Variants in FAM234B observed in about 807,000 individuals in gnomAD.
FAM234B encodes family with sequence similarity 234 member B.
A neutral mutation model predicts 69.3 loss-of-function variants in FAM234B; 33 were observed. The ratio of observed to expected loss-of-function variants is 0.48; its 90% CI spans 0.36 to 0.64. The LOEUF is 0.64. Ranked by LOEUF, FAM234B falls within the 30% of genes least tolerant of loss-of-function variation. The pLI is 0.00. For missense variants in FAM234B, 697 were observed against 769.7 expected, an observed-to-expected ratio of 0.91 and a Z score of 1.12; for synonymous variants, 306 against 306.9, an observed-to-expected ratio of 1.00 and a Z score of 0.03.
chr12:13,052,585 G>A (rs1048747645), intron 1 of FAM234B, among the ~76,000 whole-genome samples: 1 of 152,076 alleles, frequency 6.6e-6, no homozygotes, highest in African/African-American at 2.4e-5. Flanking sequence ...TACTTACTCA[G>A]TAACAACTTT....
chr12:13,050,192 G>A (rs952740911), intron 1 of FAM234B, among the ~76,000 whole-genome samples: 1 of 152,142 alleles, frequency 6.6e-6, no homozygotes. Context: ...GTGGGTCTGA[G>A]CCCTTTTAAA....
chr12:13,055,450 T>G, intron 1 of FAM234B, 101 bp from the exon 2 acceptor site: 1 of 1,226,438 alleles, frequency 8.2e-7, no homozygotes, highest in Non-Finnish European at 1.1e-6. Flanking sequence ...TTTTTTTGTT[T>G]TAGTTTTCCG....
rs1865216981 is a variant in FAM234B, at chr12:13,080,763, G to A, written c.*133G>A. On this transcript the variant is annotated 3_prime_UTR_variant, in exon 13 of 13. Coordinates refer to ENST00000197268, the MANE Select transcript of FAM234B (RefSeq NM_020853.2). ...TTACCACCTCCCTGATGGTTGCAAA[G>A]GCTTGGGAAGGCATGTTGGAGTCTT... 5 of 717,234 alleles carry A rather than the reference G, an allele frequency of 7.0e-6. No homozygotes were observed. The highest frequency in any genetic ancestry group is 5.5e-5 in the Admixed American group (2 of 36,302). The allele number at this position is 717,234 out of a possible 1,614,324, so 44.4% of individuals were successfully genotyped here.
At chr12:13,064,040 G>T (rs1222638993) in intron 5 of FAM234B, among the ~76,000 whole-genome samples, 1 of 152,170 alleles carries the variant, frequency 6.6e-6, no homozygotes, top group Non-Finnish European at 1.5e-5. Context: ...TTTCTGCCAA[G>T]AGTCCCCCAA....
intron 10 of FAM234B, among the ~76,000 whole-genome samples, chr12:13,072,258 G>A (rs1193777559): frequency 6.6e-6 from 1 of 152,108 alleles, no homozygotes; most frequent in African/African-American, 2.4e-5. Flanking sequence ...AATGGTTAAT[G>A]AACATGCTAA....
intron 5 of FAM234B, among the ~76,000 whole-genome samples, chr12:13,065,991 AG>A (rs1421795527): frequency 6.6e-6 from 1 of 152,220 alleles, no homozygotes; most frequent in East Asian, 1.9e-4. Context: ...TGTGGCTTGT[AG>A]GTTAAATTTG....
intron 1 of FAM234B, among the ~76,000 whole-genome samples, chr12:13,054,049 G>GA (rs1318740882): frequency 6.6e-6 from 1 of 152,164 alleles, no homozygotes; most frequent in African/African-American, 2.4e-5. Context: ...CTTGTTCCCT[G>GA]AAAATCGCTG....
In FAM234B at chr12:13,055,754, G is replaced by T; in HGVS notation, c.241G>T (p.Gly81Cys). Residue 81 changes from glycine (G) to cysteine (C), a missense_variant, in exon 2 of 13, where the codon GGC (glycine) becomes TGC (cysteine). Physicochemically the swap from Gly to Cys is radical, Grantham distance 159 (BLOSUM62 -3). Coordinates refer to ENST00000197268, the MANE Select transcript of FAM234B (RefSeq NM_020853.2). The stretch of plus-strand genomic sequence containing the variant: ...ACATCTTTCAGAAGTCACCACGGAG[G>T]GCTACCCCTCAGAACCCCTTGGGGG... ...KPHLSEVTTE[G>C]YPSEPLGGLE... is the part of the protein sequence containing the mutation. The T allele has an allele frequency of 6.2e-7, 1 of 1,614,194 alleles. No individual in the cohort carries two copies. Among genetic ancestry groups the T allele is most frequent in the South Asian group, 1.1e-5 (1 of 91,078 alleles).
chr12:13,051,797 G>C (rs1864879620), intron 1 of FAM234B, among the ~76,000 whole-genome samples: 1 of 152,154 alleles, frequency 6.6e-6, no homozygotes, highest in Admixed American at 6.5e-5. Flanking sequence ...GAAGAGTGGG[G>C]GAGGGCACTG....
At chr12:13,072,729 CAAAAAAA>C (rs55734917) in intron 10 of FAM234B, among the ~76,000 whole-genome samples, 2 of 89,990 alleles carry the variant, frequency 2.2e-5, no homozygotes, top group Admixed American at 1.0e-4. Context: ...GACTTTGTCT[CAAAAAAA>C]AAAAAAAAAA....
chr12:13,053,899 C>A (rs1429613510), intron 1 of FAM234B, among the ~76,000 whole-genome samples: 1 of 152,108 alleles, frequency 6.6e-6, no homozygotes, highest in Non-Finnish European at 1.5e-5. Flanking sequence ...GCATTCCTTC[C>A]CCAGGGTATT....
At chr12:13,070,832 T>C (rs376992172) in intron 9 of FAM234B, among the ~76,000 whole-genome samples, 4 of 152,208 alleles carry the variant, frequency 2.6e-5, no homozygotes, top group African/African-American at 9.6e-5. Flanking sequence ...ACTGCTGTGT[T>C]GTGGGGGATA....
Position 13,066,682 on chromosome 12 carries a change from C to A in FAM234B, c.895C>A (p.Pro299Thr). Residue 299 changes from proline (P) to threonine (T), a missense_variant, in exon 6 of 13, where the codon CCA becomes ACA. By Grantham distance (38) the Pro-to-Thr change is conservative. Transcript: ENST00000197268. ...FLLVSGRTGNPVGRPVKYNIV... is the reference protein window; with the variant it reads ...FLLVSGRTGNTVGRPVKYNIV... ...GCTGGTGTCTGGCCGGACCGGAAAT[C>A]CAGTGGGTCGACCTGTGAAGTACAA... The A allele has an allele frequency of 6.2e-7, 1 of 1,613,912 alleles. No homozygotes were observed. Among genetic ancestry groups the A allele is most frequent in the African/African-American group, 1.3e-5 (1 of 75,022 alleles).
At chr12:13,068,158 A>G (rs1591600442) in intron 7 of FAM234B, 146 bp from the exon 8 acceptor site, 2 of 737,312 alleles carry the variant, frequency 2.7e-6, no homozygotes, top group East Asian at 2.7e-5. Flanking sequence ...CTGAAACAAC[A>G]GTACATCCCA....
chr12:13,080,061 C>G lies in FAM234B; in HGVS notation c.1863+52C>G, dbSNP rs766318842. On this transcript the variant is annotated intron_variant, in intron 12 of 12. Coordinates refer to ENST00000197268, the MANE Select transcript of FAM234B (RefSeq NM_020853.2). ...TCTTGAGGGTTTAGGACAAATACTA[C>G]CAATTCCAGCTTTGTCTTTAGAAAG... 4.6e-6 allele frequency: 6 copies of G among 1,310,680 alleles called. No homozygotes were observed. The African/African-American group carries it at 7.4e-5, about 16-fold the overall frequency. 81.2% of individuals were successfully genotyped at this position (1,310,680 alleles called of 1,614,324 possible).
chr12:13,046,608 G>A (rs943090825), intron 1 of FAM234B, among the ~76,000 whole-genome samples: 1 of 152,108 alleles, frequency 6.6e-6, no homozygotes, highest in Non-Finnish European at 1.5e-5. Context: ...TTACAGGCAT[G>A]CACCACAATG....
At chr12:13,056,730 T>C (rs1376621575) in intron 2 of FAM234B, among the ~76,000 whole-genome samples, 1 of 152,180 alleles carries the variant, frequency 6.6e-6, no homozygotes, top group Non-Finnish European at 1.5e-5. Context: ...GGTAACAAAT[T>C]GTTGGTGTGT....
chr12:13,071,500 G>A, intron 10 of FAM234B, 104 bp downstream of exon 10: 1 of 1,100,804 alleles, frequency 9.1e-7, no homozygotes, highest in Admixed American at 2.2e-5. Flanking sequence ...ACTTTCCAAG[G>A]GGTTGGAATA....
At chr12:13,047,021 T>C (rs945079024) in intron 1 of FAM234B, among the ~76,000 whole-genome samples, 1 of 152,200 alleles carries the variant, frequency 6.6e-6, no homozygotes, top group African/African-American at 2.4e-5. Flanking sequence ...CTCTGACATA[T>C]GTTAATTAGT....
Sources: gnomAD v4.1 joint callset for allele counts (sites outside exome capture counted in the v4.1 genomes callset) on GRCh38, gnomAD v4.1.1 for gene constraint, MANE v1.5 for transcripts, NCBI Gene and HGNC (gene_info 2026-07-23, HGNC 2026-07-21) for gene names.